PDGFC: variants seen among roughly 807,000 people sequenced by gnomAD.
The protein encoded by PDGFC is platelet derived growth factor C, also known as platelet-derived growth factor C.
In PDGFC, 12 loss-of-function variants were observed where a neutral mutation model predicts 35.5. That is an observed-to-expected ratio of 0.34 (90% CI 0.22 to 0.55). PDGFC has a LOEUF of 0.55. PDGFC is among the 20% of genes least tolerant of loss of function. The pLI is 0.91. For synonymous variants in PDGFC, 159 were observed against 148.8 expected (o/e 1.07, Z -0.50); for missense variants, 322 against 412.4 (o/e 0.78, Z 1.90).
chr4:156,841,245 G>C (rs1184501424), intron 2 of PDGFC: 1 of 152,198 alleles, frequency 6.6e-6, no homozygotes, highest in Non-Finnish European at 1.5e-5. Flanking sequence ...GGAGTGACCG[G>C]ATGGGAGGTA....
intron 1 of PDGFC, among the ~76,000 whole-genome samples, chr4:156,941,464 C>G (rs1382963227): frequency 1.3e-5 from 2 of 152,138 alleles, no homozygotes. Flanking sequence ...GACATCCAAA[C>G]AGCTTTCACA....
intron 1 of PDGFC, chr4:156,861,306 C>G (rs1187122826): frequency 3.0e-6 from 1 of 330,146 alleles, no homozygotes; most frequent in Non-Finnish European, 6.0e-6. Flanking sequence ...ATTGTACTAC[C>G]TAAACAAATT....
rs543159987 is a variant in PDGFC, at chr4:156,868,152, G to A, written c.119-17736C>T. On this transcript the variant is annotated intron_variant, in intron 1 of 5. Transcript: ENST00000502773. ...CTTGATTCACTGACAAAAGTAATGT[G>A]ATAAAAGGAGATTAAATACTTTTTG... Among the ~76,000 whole-genome samples the A allele has an allele frequency of 2.0e-5, 3 of 152,222 alleles. No homozygotes were observed. In the East Asian group the frequency reaches 5.8e-4, roughly 29 times the overall value.
intron 1 of PDGFC, among the ~76,000 whole-genome samples, chr4:156,859,560 T>C (rs1343940552): frequency 1.3e-5 from 2 of 152,214 alleles, no homozygotes; most frequent in South Asian, 4.1e-4. Flanking sequence ...TAGGACATGA[T>C]TGCCCCTCAA....
Position 156,772,818 on chromosome 4 carries a change from T to C in PDGFC, c.571A>G (p.Thr191Ala), listed in dbSNP as rs777922904. The C allele has an allele frequency of 6.2e-7, 1 of 1,613,032 alleles. No homozygotes were observed. The highest frequency in any genetic ancestry group is 8.5e-7 in the Non-Finnish European group (1 of 1,179,102). Residue 191 changes from threonine (T) to alanine (A), a missense_variant, in exon 4 of 6, where the codon ACT becomes GCT. Around this residue, in one of 2 missense-constraint regions of PDGFC, gnomAD observed 202 missense variants for 295.9 expected, o/e 0.68. Coordinates refer to ENST00000502773, the MANE Select transcript of PDGFC (RefSeq NM_016205.3). Reference sequence around the variant, plus strand: ...AGGTCTTCCAAGGTACTAAAGGCAGTTATAGCATTATTAAGCAGGTCCAGT... The same window carrying C: ...AGGTCTTCCAAGGTACTAAAGGCAGCTATAGCATTATTAAGCAGGTCCAGT... ...LPLDLLNNAI[T>A]AFSTLEDLIR...
chr4:156,819,696 T>G (rs2110973036), intron 2 of PDGFC, among the ~76,000 whole-genome samples: 1 of 152,350 alleles, frequency 6.6e-6, no homozygotes, highest in South Asian at 2.1e-4. Context: ...TCATGCCTGC[T>G]AACTCAATAT....
At chr4:156,917,814 C>G (rs898012969) in intron 1 of PDGFC, among the ~76,000 whole-genome samples, 2 of 152,174 alleles carry the variant, frequency 1.3e-5, no homozygotes, top group Non-Finnish European at 2.9e-5. Flanking sequence ...GCTAAAGGAC[C>G]ACTTCGTATA....
chr4:156,856,171 T>A (rs1310750574), intron 1 of PDGFC, among the ~76,000 whole-genome samples: 1 of 152,176 alleles, frequency 6.6e-6, no homozygotes, highest in Non-Finnish European at 1.5e-5. Context: ...CCTCCAACTA[T>A]TCCAATTACA....
intron 2 of PDGFC, among the ~76,000 whole-genome samples, chr4:156,849,265 A>C (rs1285207682): frequency 1.3e-5 from 2 of 152,046 alleles, no homozygotes; most frequent in Non-Finnish European, 2.9e-5. Flanking sequence ...AAGGAAAAAC[A>C]ACAACATGAA....
At chr4:156,784,744 G>A (rs1315863825) in intron 3 of PDGFC, among the ~76,000 whole-genome samples, 1 of 152,008 alleles carries the variant, frequency 6.6e-6, no homozygotes, top group Non-Finnish European at 1.5e-5. Context: ...ATCAAGACGG[G>A]GCAAAAATAT....
chr4:156,824,365 TAC>T (rs1374599285), intron 2 of PDGFC, among the ~76,000 whole-genome samples: 9 of 127,064 alleles, frequency 7.1e-5, no homozygotes, highest in African/African-American at 2.9e-4. Context: ...CACACATATA[TAC>T]ACACACATAC....
intron 1 of PDGFC, among the ~76,000 whole-genome samples, chr4:156,963,854 A>AT (rs1335752350): frequency 1.3e-5 from 2 of 152,118 alleles, no homozygotes; most frequent in African/African-American, 2.4e-5. Flanking sequence ...CCCCTTTATA[A>AT]TTTTTAGCTC....
In PDGFC at chr4:156,869,161, C is replaced by T. The variant is rs975528030; in HGVS notation, c.119-18745G>A. Among the ~76,000 whole-genome samples, 8 of 152,132 alleles carry T rather than the reference C, an allele frequency of 5.3e-5. No homozygotes were observed. The East Asian group carries it at 5.8e-4, about 11-fold the overall frequency. ...TTAAATAAAAATGACCGGCCAGGTGCGGTGGCTCATGCCTGTAATCCCAGC... is the reference window on the plus strand; with the variant it reads ...TTAAATAAAAATGACCGGCCAGGTGTGGTGGCTCATGCCTGTAATCCCAGC... On this transcript the variant is annotated intron_variant, in intron 1 of 5. Coordinates refer to ENST00000502773, the MANE Select transcript of PDGFC (RefSeq NM_016205.3).
rs1295866378 is a variant in PDGFC, at chr4:156,850,303, C to G, written c.232G>C (p.Val78Leu). The G allele has an allele frequency of 2.5e-6, 4 of 1,611,124 alleles. No homozygotes were observed. In the South Asian group the frequency reaches 4.4e-5, roughly 18 times the overall value. Residue 78 changes from valine to leucine, a missense_variant, in exon 2 of 6, where the codon GTA (valine) becomes CTA (leucine). Val to Leu is a conservative substitution (Grantham distance 32, BLOSUM62 1). This residue lies in a region of PDGFC where 120 missense variants were observed against 116.6 expected (regional missense o/e 1.03). Transcript: ENST00000502773. ...PRNTVLVWRL[V>L]AVEENVWIQL... The stretch of plus-strand genomic sequence containing the variant: ...ATCCATACATTTTCCTCTACTGCTA[C>G]TAATCTCCATACCAAGACCGTATTT...
At position 156,908,669 on chromosome 4, in the gene PDGFC, G is replaced by A. The variant is rs1730973179; in HGVS notation, c.119-58253C>T. Among the ~76,000 whole-genome samples the A allele has an allele frequency of 2.0e-5, 3 of 152,204 alleles. No individual in the cohort carries two copies. The South Asian group carries it at 6.2e-4, about 32-fold the overall frequency. On this transcript the variant is annotated intron_variant, in intron 1 of 5. Coordinates refer to ENST00000502773, the MANE Select transcript of PDGFC (RefSeq NM_016205.3). ...GACCTCTTTCCCATCCAGTAATTCT[G>A]TGTTGACTTCTGGCTACCTAAACCT...
intron 1 of PDGFC, among the ~76,000 whole-genome samples, chr4:156,931,619 G>T (rs1383818680): frequency 1.3e-5 from 2 of 152,122 alleles, no homozygotes; most frequent in Non-Finnish European, 2.9e-5. Context: ...ATGCAAGGCT[G>T]TTAATATTAG....
At chr4:156,965,394 G>A (rs1560894165) in intron 1 of PDGFC, among the ~76,000 whole-genome samples, 1 of 152,138 alleles carries the variant, frequency 6.6e-6, no homozygotes, top group African/African-American at 2.4e-5. Context: ...TATGGTGGGG[G>A]TGAGGGATGT....
intron 1 of PDGFC, among the ~76,000 whole-genome samples, chr4:156,964,117 T>C (rs1170930157): frequency 1.3e-5 from 2 of 152,050 alleles, no homozygotes; most frequent in Non-Finnish European, 2.9e-5. Flanking sequence ...AACATGCTTA[T>C]TTATTCATTT....
chr4:156,901,039 G>A (rs1730760248), intron 1 of PDGFC, among the ~76,000 whole-genome samples: 2 of 152,244 alleles, frequency 1.3e-5, no homozygotes, highest in East Asian at 3.9e-4. Flanking sequence ...GAAAAGTGAA[G>A]AGTAAGCTTA....
Sources: allele counts gnomAD v4.1 joint callset (sites outside exome capture counted in the v4.1 genomes callset), GRCh38; gene constraint gnomAD v4.1.1; regional missense constraint gnomAD v4.1.1; transcripts MANE v1.5; gene names NCBI Gene and HGNC (gene_info 2026-07-23, HGNC 2026-07-21).